Variants in KCNIP4 observed in about 807,000 individuals in gnomAD.
KCNIP4 encodes the protein Kv channel-interacting protein 4.
In KCNIP4, 12 loss-of-function variants were observed where a neutral mutation model predicts 34.0. The observed-to-expected ratio is 0.35, with a 90% confidence interval of 0.23 to 0.57. KCNIP4 has a LOEUF of 0.57. Among genes scored for constraint, KCNIP4 ranks in the 20% least tolerant of loss-of-function variants. The pLI, the probability that KCNIP4 is intolerant of heterozygous loss-of-function variation, is 0.83. For synonymous variants in KCNIP4, 124 were observed against 102.2 expected, an observed-to-expected ratio of 1.21 and a Z score of -1.29; for missense variants, 238 against 311.7, an observed-to-expected ratio of 0.76 and a Z score of 1.78.
chr4:21,923,696 C>G (rs1366054352), intron 1 of KCNIP4, among the ~76,000 whole-genome samples: 1 of 152,204 alleles, frequency 6.6e-6, no homozygotes, highest in Non-Finnish European at 1.5e-5. Flanking sequence ...TCCAGCCACT[C>G]TAGCCCACCG....
Position 20,965,303 on chromosome 4 carries a change from T to C in KCNIP4, c.62-82594A>G, listed in dbSNP as rs576821765. 6.6e-5 allele frequency among the ~76,000 whole-genome samples: 10 copies of C among 152,272 alleles called. No homozygotes were observed. In the South Asian group the frequency reaches 1.9e-3, roughly 28 times the overall value. On this transcript the variant is annotated intron_variant, in intron 1 of 8. Coordinates refer to ENST00000382152, the MANE Select transcript of KCNIP4 (RefSeq NM_025221.6). The stretch of plus-strand genomic sequence containing the variant: ...TTTTGATACACTAGCAGTACTTCTG[T>C]GGTTTTCACGGAACACATAAGCCAA...
chr4:20,850,391 G>A, intron 3 of KCNIP4, 152 bp downstream of exon 3: 1 of 804,840 alleles, frequency 1.2e-6, no homozygotes, highest in Non-Finnish European at 2.0e-6. Flanking sequence ...AAAGTCCACA[G>A]ATACTGATTA....
At chr4:21,512,767 A>G (rs1012610065) in intron 1 of KCNIP4, among the ~76,000 whole-genome samples, 2 of 152,202 alleles carry the variant, frequency 1.3e-5, no homozygotes, top group African/African-American at 4.8e-5. Flanking sequence ...TTAATAGGTA[A>G]AATCTATTGG....
At chr4:21,153,392 A>G (rs1752897124) in intron 1 of KCNIP4, among the ~76,000 whole-genome samples, 1 of 151,396 alleles carries the variant, frequency 6.6e-6, no homozygotes, top group African/African-American at 2.4e-5. Context: ...GACATTGAGC[A>G]CTTTTTCTAT....
At chr4:20,930,202 T>C (rs1453080839) in intron 1 of KCNIP4, among the ~76,000 whole-genome samples, 1 of 151,868 alleles carries the variant, frequency 6.6e-6, no homozygotes, top group Admixed American at 6.6e-5. Flanking sequence ...GAACAGAATA[T>C]AGAGAGCCAG....
chr4:20,826,696 T>C (rs1265889579), intron 3 of KCNIP4, among the ~76,000 whole-genome samples: 1 of 152,126 alleles, frequency 6.6e-6, no homozygotes, highest in Admixed American at 6.6e-5. Flanking sequence ...GTGCCTTAAC[T>C]TTGACCCAGA....
intron 1 of KCNIP4, among the ~76,000 whole-genome samples, chr4:21,810,402 A>C (rs1466590401): frequency 2.0e-5 from 3 of 152,084 alleles, no homozygotes; most frequent in African/African-American, 7.2e-5. Flanking sequence ...AAAATCAGAG[A>C]GAATTTGGCT....
intron 1 of KCNIP4, among the ~76,000 whole-genome samples, chr4:21,102,119 C>A (rs912551884): frequency 3.3e-5 from 5 of 152,096 alleles, no homozygotes; most frequent in African/African-American, 1.2e-4. Context: ...GTGACAAAGA[C>A]AATGTAATAC....
chr4:21,202,605 G>T (rs932702225), intron 1 of KCNIP4, among the ~76,000 whole-genome samples: 1 of 152,170 alleles, frequency 6.6e-6, no homozygotes, highest in Non-Finnish European at 1.5e-5. Context: ...AGAAGGAAAA[G>T]ATACCTGATT....
At chr4:20,743,068 T>C (rs1316474167) in intron 5 of KCNIP4, among the ~76,000 whole-genome samples, 4 of 151,800 alleles carry the variant, frequency 2.6e-5, no homozygotes, top group African/African-American at 9.7e-5. Flanking sequence ...AGGACCCTTA[T>C]AAGTTCACCC....
intron 1 of KCNIP4, among the ~76,000 whole-genome samples, chr4:21,463,178 G>A (rs1193214704): frequency 6.6e-6 from 1 of 151,970 alleles, no homozygotes. Flanking sequence ...CCCAACACTT[G>A]TTATCTTTTG....
In KCNIP4 at chr4:21,591,743, C is replaced by T. The variant is rs555466116; in HGVS notation, c.61+356828G>A. On this transcript the variant is annotated intron_variant, in intron 1 of 8. Coordinates refer to ENST00000382152, the MANE Select transcript of KCNIP4 (RefSeq NM_025221.6). ...TGATTTTACCTTTAAAAACCTTTATCTTTTAATACTTGCAAGTGTGCAATT... is the reference window on the plus strand; with the variant it reads ...TGATTTTACCTTTAAAAACCTTTATTTTTTAATACTTGCAAGTGTGCAATT... 8.2e-4 allele frequency among the ~76,000 whole-genome samples: 124 copies of T among 152,106 alleles called. 2 individuals carry two copies. The highest frequency in any genetic ancestry group is 2.9e-3 in the African/African-American group (120 of 41,508).
At chr4:21,572,698 T>C (rs1329427585) in intron 1 of KCNIP4, among the ~76,000 whole-genome samples, 1 of 151,576 alleles carries the variant, frequency 6.6e-6, no homozygotes, top group Non-Finnish European at 1.5e-5. Context: ...TGACCTCAGC[T>C]CACTGCAACC....
intron 5 of KCNIP4, among the ~76,000 whole-genome samples, chr4:20,745,828 G>T (rs1376538085): frequency 6.6e-6 from 1 of 152,132 alleles, no homozygotes; most frequent in Non-Finnish European, 1.5e-5. Flanking sequence ...GCCAATCAAA[G>T]ACTGCTATGG....
chr4:20,891,732 A>AT (rs370981871), intron 1 of KCNIP4, among the ~76,000 whole-genome samples: 7 of 152,100 alleles, frequency 4.6e-5, no homozygotes, highest in East Asian at 3.9e-4. Flanking sequence ...TAGGGAGTAC[A>AT]TTTTTTTACT....
intron 1 of KCNIP4, among the ~76,000 whole-genome samples, chr4:21,498,777 A>C (rs546476767): frequency 6.8e-4 from 103 of 152,332 alleles, no homozygotes; most frequent in African/African-American, 2.3e-3. Context: ...GTAAGAAATA[A>C]CAACTGTGCA....
intron 1 of KCNIP4, among the ~76,000 whole-genome samples, chr4:21,833,515 T>C (rs1303920942): frequency 4.6e-5 from 7 of 152,162 alleles, no homozygotes; most frequent in South Asian, 2.1e-4. Context: ...GAGTAGGTTG[T>C]GAAAATTTTC....
At chr4:21,011,557 A>G (rs1257761463) in intron 1 of KCNIP4, among the ~76,000 whole-genome samples, 1 of 152,206 alleles carries the variant, frequency 6.6e-6, no homozygotes, top group Admixed American at 6.5e-5. Context: ...ATTTAAATTT[A>G]TAGAAAATGT....
chr4:21,496,339 C>T (rs16871214), intron 1 of KCNIP4, among the ~76,000 whole-genome samples: 4 of 152,104 alleles, frequency 2.6e-5, no homozygotes, highest in Non-Finnish European at 5.9e-5. Context: ...ACTGAATCAA[C>T]AGCTTCCTGT....
Sources: allele counts gnomAD v4.1 joint callset (sites outside exome capture counted in the v4.1 genomes callset), GRCh38; gene constraint gnomAD v4.1.1; transcripts MANE v1.5; gene names NCBI Gene and HGNC (gene_info 2026-07-23, HGNC 2026-07-21).